Variants in MEI4 observed in about 807,000 individuals in gnomAD.
The protein encoded by MEI4 is meiotic double-stranded break formation protein 4.
MEI4 carries 27 observed loss-of-function variants against 31.4 expected under a neutral mutation model. The observed-to-expected ratio is 0.86, with a 90% CI of 0.63 to 1.19. The LOEUF (loss-of-function observed/expected upper bound fraction) is 1.19, where lower values mean the gene tolerates loss of function less well. MEI4 is among the 50% of genes most tolerant of loss of function. The pLI, the probability that MEI4 is intolerant of heterozygous loss-of-function variation, is 0.00. For synonymous variants in MEI4, 122 were observed against 145.4 expected (o/e 0.84, Z 1.16); for missense variants, 329 against 398.9 (o/e 0.82, Z 1.49).
chr6:77,872,160 A>G (rs944574308), intron 4 of MEI4, among the ~76,000 whole-genome samples: 2 of 152,182 alleles, frequency 1.3e-5, no homozygotes, highest in African/African-American at 2.4e-5. Context: ...GCCTTTTAAT[A>G]GCTTTGTATT....
At chr6:77,802,971 A>T (rs1199289331) in intron 3 of MEI4, among the ~76,000 whole-genome samples, 1 of 151,864 alleles carries the variant, frequency 6.6e-6, no homozygotes, top group Non-Finnish European at 1.5e-5. Context: ...CTTCTCGAGG[A>T]GTATCTTTGT....
chr6:77,921,375 T>A (rs1766698661), intron 4 of MEI4, among the ~76,000 whole-genome samples: 1 of 151,834 alleles, frequency 6.6e-6, no homozygotes, highest in Non-Finnish European at 1.5e-5. Flanking sequence ...AGTTAGGCCT[T>A]TTCTCTGGTT....
chr6:77,793,255 G>A (rs1355253477), intron 3 of MEI4, among the ~76,000 whole-genome samples: 4 of 152,138 alleles, frequency 2.6e-5, no homozygotes, highest in Non-Finnish European at 4.4e-5. Flanking sequence ...TATATTCTAA[G>A]TGCTGAAAGA....
intron 3 of MEI4, among the ~76,000 whole-genome samples, chr6:77,771,804 A>T (rs1385166448): frequency 6.6e-6 from 1 of 152,002 alleles, no homozygotes; most frequent in Non-Finnish European, 1.5e-5. Context: ...TGGTAGGAGG[A>T]GGGAGAAGAC....
chr6:77,880,128 C>T (rs1005601930), intron 4 of MEI4, among the ~76,000 whole-genome samples: 2 of 152,176 alleles, frequency 1.3e-5, no homozygotes, highest in South Asian at 2.1e-4. Flanking sequence ...ATTATTTACA[C>T]AGTTACTCAT....
chr6:77,656,102 C>T (rs1402318554), intron 1 of MEI4, among the ~76,000 whole-genome samples: 1 of 152,026 alleles, frequency 6.6e-6, no homozygotes, highest in East Asian at 1.9e-4. Flanking sequence ...ATTGCTTTCA[C>T]CATGGCAGAA....
chr6:77,864,666 G>A (rs901578050), intron 4 of MEI4, among the ~76,000 whole-genome samples: 6 of 152,140 alleles, frequency 3.9e-5, no homozygotes, highest in South Asian at 2.1e-4. Context: ...ACATTAGACA[G>A]ATCAATGAGA....
chr6:77,709,275 T>C (rs1766402804), intron 2 of MEI4, among the ~76,000 whole-genome samples: 1 of 152,214 alleles, frequency 6.6e-6, no homozygotes, highest in East Asian at 1.9e-4. Context: ...AAATTCCTCA[T>C]TACTTTTAAA....
intron 2 of MEI4, among the ~76,000 whole-genome samples, chr6:77,708,763 C>A (rs1288352472): frequency 6.6e-6 from 1 of 152,044 alleles, no homozygotes; most frequent in Non-Finnish European, 1.5e-5. Flanking sequence ...AGTGTGACAC[C>A]TCCCCTGTCT....
At chr6:77,705,838 T>TAATTAAATACATTAAATTATTTACATTA in intron 2 of MEI4, among the ~76,000 whole-genome samples, 1 of 152,226 alleles carries the variant, frequency 6.6e-6, no homozygotes, top group East Asian at 1.9e-4. Context: ...ATTGGTATAG[T>TAATTAAATACATTAAATTATTTACATTA]AATTAAATAC....
At chr6:77,735,925 T>C (rs1767189989) in intron 2 of MEI4, among the ~76,000 whole-genome samples, 1 of 151,438 alleles carries the variant, frequency 6.6e-6, no homozygotes, top group Admixed American at 6.6e-5. Flanking sequence ...TGCTGGGGGA[T>C]GCCTCCCAGT....
upstream of MEI4, among the ~76,000 whole-genome samples, chr6:77,650,799 C>T (rs1197207189): frequency 6.6e-6 from 1 of 152,216 alleles, no homozygotes; most frequent in African/African-American, 2.4e-5. Context: ...AGCATCGGCC[C>T]ACACCTGTGT....
intron 3 of MEI4, among the ~76,000 whole-genome samples, chr6:77,780,852 A>C (rs955563763): frequency 2.6e-5 from 4 of 152,074 alleles, no homozygotes; most frequent in Non-Finnish European, 4.4e-5. Flanking sequence ...ATCATGCCAA[A>C]ATCATCAAGT....
At chr6:77,914,289 C>T (rs549291911) in intron 4 of MEI4, among the ~76,000 whole-genome samples, 15 of 151,740 alleles carry the variant, frequency 9.9e-5, no homozygotes, top group Admixed American at 2.6e-4. Flanking sequence ...TGATATGTTG[C>T]GTATTGATTT....
chr6:77,663,422 A>T (rs1768551938), intron 1 of MEI4, among the ~76,000 whole-genome samples: 1 of 152,000 alleles, frequency 6.6e-6, no homozygotes, highest in African/African-American at 2.4e-5. Flanking sequence ...ATACAAGAGG[A>T]GAATGCAAAG....
rs1440978284 is a variant in MEI4 at position 77,923,739 on chromosome 6, A to C, written c.*393A>C. On this transcript the variant is annotated 3_prime_UTR_variant, in exon 5 of 5. Coordinates refer to ENST00000684080, the MANE Select transcript of MEI4 (RefSeq NM_001322247.2). The stretch of plus-strand genomic sequence containing the variant: ...GAGATTTTTAAAGAAGTTTAGTTGC[A>C]TTATCAACACAAAGTGTTGGAATAT... 7.8e-5 allele frequency: 12 copies of C among 153,230 alleles called. No homozygotes were observed. The East Asian group carries it at 2.3e-3, about 29-fold the overall frequency. The allele number at this position is 153,230 out of a possible 1,614,324, so 9.5% of individuals were successfully genotyped here.
intron 2 of MEI4, among the ~76,000 whole-genome samples, chr6:77,743,028 AT>A (rs1767462531): frequency 6.6e-6 from 1 of 151,410 alleles, no homozygotes; most frequent in Non-Finnish European, 1.5e-5. Context: ...CTGTAGCCTT[AT>A]AGTATAGTTT....
At chr6:77,664,588 A>T (rs541670802) in intron 1 of MEI4, among the ~76,000 whole-genome samples, 1 of 152,094 alleles carries the variant, frequency 6.6e-6, no homozygotes, top group Non-Finnish European at 1.5e-5. Flanking sequence ...ATTGGGACCT[A>T]GCTCGGCCTG....
intron 1 of MEI4, among the ~76,000 whole-genome samples, chr6:77,664,268 TTGAGAA>T (rs1273919896): frequency 6.6e-6 from 1 of 152,168 alleles, no homozygotes; most frequent in Non-Finnish European, 1.5e-5. Flanking sequence ...AAAATGTATA[TTGAGAA>T]TAAGACGGCC....
Sources: gnomAD v4.1 joint callset for allele counts (sites outside exome capture counted in the v4.1 genomes callset) on GRCh38, gnomAD v4.1.1 for gene constraint, MANE v1.5 for transcripts, NCBI Gene and HGNC (gene_info 2026-07-23, HGNC 2026-07-21) for gene names.